The following PDE3A variants were observed in gnomAD, a reference collection of about 807,000 sequenced individuals.
The protein encoded by PDE3A is phosphodiesterase 3A.
Under a neutral mutation model 98.3 loss-of-function variants are expected in PDE3A, and 43 were observed. The ratio of observed to expected loss-of-function variants is 0.44; its 90% CI spans 0.34 to 0.56. The LOEUF (loss-of-function observed/expected upper bound fraction) is 0.56. PDE3A is among the 20% of genes least tolerant of loss of function. The pLI is 0.01. For synonymous variants in PDE3A, 663 were observed against 567.9 expected (o/e 1.17, Z -2.38); for missense variants, 1,427 against 1,440.7 (o/e 0.99, Z 0.15).
At chr12:20,676,445 T>C (rs542484527) in intron 15 of PDE3A, among the ~76,000 whole-genome samples, 20 of 151,964 alleles carry the variant, frequency 1.3e-4, no homozygotes, top group African/African-American at 4.6e-4. Context: ...AGTTTCCTTA[T>C]AAGTTACTAG....
At chr12:20,422,216 G>T (rs1199015780) in intron 1 of PDE3A, among the ~76,000 whole-genome samples, 4 of 151,858 alleles carry the variant, frequency 2.6e-5, no homozygotes, top group Admixed American at 6.6e-5. Flanking sequence ...CATGGTGGCG[G>T]GCACCTGTAG....
chr12:20,591,856 G>T (rs1943347051), intron 2 of PDE3A, among the ~76,000 whole-genome samples: 1 of 152,160 alleles, frequency 6.6e-6, no homozygotes, highest in Middle Eastern at 3.2e-3. Flanking sequence ...TGGCTGTCCA[G>T]TATTTTGTTT....
At chr12:20,607,861 T>C (rs1387056545) in intron 2 of PDE3A, among the ~76,000 whole-genome samples, 1 of 152,190 alleles carries the variant, frequency 6.6e-6, no homozygotes, top group Non-Finnish European at 1.5e-5. Context: ...CTGGCTTTTA[T>C]ATAAACTTAA....
intron 1 of PDE3A, among the ~76,000 whole-genome samples, chr12:20,507,079 G>C (rs1263365745): frequency 6.6e-6 from 1 of 151,780 alleles, no homozygotes; most frequent in Admixed American, 6.6e-5. Context: ...TATGATCCGG[G>C]GGGTAATTGT....
At chr12:20,380,530 A>G (rs1242047035) in intron 1 of PDE3A, among the ~76,000 whole-genome samples, 1 of 151,934 alleles carries the variant, frequency 6.6e-6, no homozygotes, top group Non-Finnish European at 1.5e-5. Flanking sequence ...TAATACTTAG[A>G]GAAGATACAG....
chr12:20,560,388 G>A (rs1477778631), intron 2 of PDE3A, among the ~76,000 whole-genome samples: 4 of 152,172 alleles, frequency 2.6e-5, no homozygotes, highest in African/African-American at 7.2e-5. Flanking sequence ...AGAACCAAAA[G>A]TAGTTACACC....
intron 2 of PDE3A, among the ~76,000 whole-genome samples, chr12:20,588,656 C>G (rs1195889905): frequency 6.6e-6 from 1 of 151,938 alleles, no homozygotes; most frequent in Non-Finnish European, 1.5e-5. Flanking sequence ...TTTGCTCTTA[C>G]CATTTTGCCC....
intron 15 of PDE3A, among the ~76,000 whole-genome samples, chr12:20,663,157 G>C (rs1945219512): frequency 6.6e-6 from 1 of 152,186 alleles, no homozygotes; most frequent in South Asian, 2.1e-4. Context: ...AGAAATTGAG[G>C]TCTGGGAACC....
chr12:20,661,105 T>C (rs1945159292), intron 15 of PDE3A, among the ~76,000 whole-genome samples: 1 of 152,172 alleles, frequency 6.6e-6, no homozygotes. Context: ...ATGAGGAACT[T>C]GTCGAGAACT....
intron 2 of PDE3A, among the ~76,000 whole-genome samples, chr12:20,574,193 G>A (rs990910922): frequency 6.6e-6 from 1 of 152,060 alleles, no homozygotes; most frequent in African/African-American, 2.4e-5. Context: ...TAACCAGCAC[G>A]AGGTCCATGG....
chr12:20,646,554 T>C lies in PDE3A; in HGVS notation c.2316T>C (p.Ile772=). 6.2e-7 allele frequency: 1 copy of C among 1,610,734 alleles called. No homozygotes were observed. The highest frequency in any genetic ancestry group is 8.5e-7 in the Non-Finnish European group (1 of 1,176,920). Reference sequence around the variant, plus strand: ...TTTGGTATCTTACTACACAGCCTATTCCAGGCCTCTCAACTGTGATTAATG... The same window carrying C: ...TTTGGTATCTTACTACACAGCCTATCCCAGGCCTCTCAACTGTGATTAATG... ...HAVWYLTTQP[I]PGLSTVINDH... The change falls in exon 11 of 16, where the codon ATT becomes ATC. Residue 772 remains isoleucine, a synonymous_variant. Transcript: ENST00000359062.
At chr12:20,572,166 GA>G (rs1195406089) in intron 2 of PDE3A, 11 of 1,245,208 alleles carry the variant, frequency 8.8e-6, no homozygotes, top group Non-Finnish European at 1.2e-5. Flanking sequence ...CTTCTACTGG[GA>G]AAAGGTATGA....
At chr12:20,391,388 TACAC>T (rs202143143) in intron 1 of PDE3A, among the ~76,000 whole-genome samples, 1 of 104,142 alleles carries the variant, frequency 9.6e-6, no homozygotes, top group African/African-American at 3.4e-5. Flanking sequence ...TATATATATA[TACAC>T]ACACACATAC....
intron 2 of PDE3A, among the ~76,000 whole-genome samples, chr12:20,584,304 G>A (rs538952192): frequency 6.6e-6 from 1 of 152,294 alleles, no homozygotes; most frequent in Admixed American, 6.5e-5. Flanking sequence ...ATTACAGATT[G>A]TGATCAATAG....
intron 1 of PDE3A, among the ~76,000 whole-genome samples, chr12:20,429,768 A>G (rs552520549): frequency 6.6e-6 from 1 of 152,066 alleles, no homozygotes; most frequent in Non-Finnish European, 1.5e-5. Context: ...GTTATTGTTG[A>G]TGTTTTATTT....
At chr12:20,473,519 G>A (rs1286527659) in intron 1 of PDE3A, among the ~76,000 whole-genome samples, 1 of 152,124 alleles carries the variant, frequency 6.6e-6, no homozygotes, top group Non-Finnish European at 1.5e-5. Flanking sequence ...TCCCGTTACT[G>A]CTTTCAGAGT....
intron 15 of PDE3A, among the ~76,000 whole-genome samples, chr12:20,670,234 C>T (rs1945435520): frequency 6.7e-6 from 1 of 148,662 alleles, no homozygotes; most frequent in Non-Finnish European, 1.5e-5. Flanking sequence ...CTTAGACTCC[C>T]ACACATTAAT....
chr12:20,391,733 A>G (rs1163694613), intron 1 of PDE3A, among the ~76,000 whole-genome samples: 1 of 151,774 alleles, frequency 6.6e-6, no homozygotes, highest in Non-Finnish European at 1.5e-5. Flanking sequence ...AATCACTACC[A>G]TAATAGGGAA....
intron 1 of PDE3A, among the ~76,000 whole-genome samples, chr12:20,531,756 ATT>A (rs1941606228): frequency 6.6e-6 from 1 of 152,202 alleles, no homozygotes; most frequent in South Asian, 2.1e-4. Context: ...ACATTGCGCT[ATT>A]ATTAAACAAA....
Sources: gnomAD v4.1 joint callset for allele counts (sites outside exome capture counted in the v4.1 genomes callset) on GRCh38, gnomAD v4.1.1 for gene constraint, MANE v1.5 for transcripts, NCBI Gene and HGNC (gene_info 2026-07-23, HGNC 2026-07-21) for gene names.